The following CFH variants were observed in gnomAD, a reference collection of about 807,000 sequenced individuals.
CFH encodes the protein complement factor H, also known as H factor 1 (complement).
Under a neutral mutation model 147.3 loss-of-function variants are expected in CFH, and 53 were observed. That is an observed-to-expected ratio of 0.36 (90% CI 0.29 to 0.45). CFH has a LOEUF of 0.45. Among genes scored for constraint, CFH ranks in the 20% least tolerant of loss-of-function variants. The pLI is 1.00. For missense variants in CFH, 1,380 were observed against 1,498.0 expected (o/e 0.92, Z 1.30); for synonymous variants, 536 against 489.4 (o/e 1.10, Z -1.26).
rs1401837510 is a variant in CFH, at chr1:196,727,062, G to A, written c.2236+122G>A. 6 of 828,092 alleles carry A rather than the reference G, an allele frequency of 7.2e-6. No individual in the cohort carries two copies. The East Asian group carries it at 1.6e-4, about 22-fold the overall frequency. The allele number at this position is 828,092 out of a possible 1,614,324, so 51.3% of individuals were successfully genotyped here. On this transcript the variant is annotated intron_variant, in intron 14 of 21. Transcript: ENST00000367429. ...CCTCAACATTTCCAGTCTTCAATATGAGACCAATCTTTTGCATATTGCTTA... is the reference window on the plus strand; with the variant it reads ...CCTCAACATTTCCAGTCTTCAATATAAGACCAATCTTTTGCATATTGCTTA...
chr1:196,737,706 T>C, intron 17 of CFH, 46 bp downstream of exon 17: 1 of 1,515,738 alleles, frequency 6.6e-7, no homozygotes, highest in Non-Finnish European at 9.2e-7. Context: ...GTAGAATTCA[T>C]AAAAATAATC....
At position 196,677,552 on chromosome 1, in the gene CFH, C is replaced by T. The variant is rs763131155; in HGVS notation, c.504C>T (p.Tyr168=). The change falls in exon 5 of 22, where the codon TAC becomes TAT. Residue 168 remains tyrosine, a synonymous_variant. Coordinates refer to ENST00000367429, the MANE Select transcript of CFH (RefSeq NM_000186.4). ...GTGCAATGGAACCAGATCGGGAATACCATTTTGGACAAGCAGTACGGTTTG... is the reference window on the plus strand; with the variant it reads ...GTGCAATGGAACCAGATCGGGAATATCATTTTGGACAAGCAGTACGGTTTG... ...VSSAMEPDRE[Y]HFGQAVRFVC... 8.7e-6 allele frequency: 14 copies of T among 1,613,188 alleles called. No homozygotes were observed. Among genetic ancestry groups the T allele is most frequent in the East Asian group, 4.5e-5 (2 of 44,782 alleles).
intron 9 of CFH, among the ~76,000 whole-genome samples, chr1:196,697,509 G>A (rs1293007013): frequency 1.3e-5 from 2 of 152,146 alleles, no homozygotes; most frequent in African/African-American, 4.8e-5. Context: ...GGAAACAACA[G>A]GTGCCGGAGA....
chr1:196,701,972 T>C (rs999530442), intron 9 of CFH, among the ~76,000 whole-genome samples: 5 of 152,166 alleles, frequency 3.3e-5, no homozygotes, highest in Non-Finnish European at 5.9e-5. Flanking sequence ...CTAGATTTGT[T>C]TTGTAAGAAG....
At chr1:196,705,534 G>T (rs1015768555) in intron 9 of CFH, among the ~76,000 whole-genome samples, 2 of 152,146 alleles carry the variant, frequency 1.3e-5, no homozygotes, top group African/African-American at 4.8e-5. Context: ...ATTACTAATG[G>T]ATCTGGCTAC....
At chr1:196,696,979 C>T (rs1332597368) in intron 9 of CFH, among the ~76,000 whole-genome samples, 5 of 152,246 alleles carry the variant, frequency 3.3e-5, no homozygotes, top group East Asian at 3.9e-4. Context: ...TGGATCCCTT[C>T]GTTACACCTT....
intron 15 of CFH, 127 bp from the exon 16 acceptor site, chr1:196,736,697 C>A: frequency 2.8e-6 from 1 of 355,910 alleles, no homozygotes; most frequent in Non-Finnish European, 4.4e-6. Context: ...ATTTATGAAA[C>A]AGTTATTGAT....
chr1:196,684,927 A>G (rs1379030559), intron 6 of CFH, 137 bp from the exon 7 acceptor site: 1 of 690,544 alleles, frequency 1.4e-6, no homozygotes, highest in South Asian at 1.8e-5. Flanking sequence ...AAAGGATACT[A>G]TGATATGTTC....
intron 17 of CFH, among the ~76,000 whole-genome samples, chr1:196,740,292 T>C (rs1373161611): frequency 1.3e-5 from 2 of 152,226 alleles, no homozygotes; most frequent in African/African-American, 4.8e-5. Flanking sequence ...TCCTACAATA[T>C]ATTATGTTTT....
chr1:196,686,773 A>G (rs917876043), intron 7 of CFH, among the ~76,000 whole-genome samples: 2 of 152,114 alleles, frequency 1.3e-5, no homozygotes, highest in Non-Finnish European at 2.9e-5. Flanking sequence ...AGACCCAACT[A>G]TATTTGGATT....
chr1:196,699,201 C>T (rs1018407424), intron 9 of CFH, among the ~76,000 whole-genome samples: 5 of 150,004 alleles, frequency 3.3e-5, no homozygotes, highest in Non-Finnish European at 7.4e-5. Flanking sequence ...CCAGTTGTTT[C>T]GCAACCTTGC....
rs56171267 is a variant in CFH at position 196,679,952 on chromosome 1, T to C, written c.790+159T>C. 3.3e-5 allele frequency among the ~76,000 whole-genome samples: 5 copies of C among 152,038 alleles called. No homozygotes were observed. The East Asian group carries it at 9.7e-4, about 29-fold the overall frequency. ...GCATTTTCTGTGTTCAAGGTTCATT[T>C]TGAGTACACTTCGTACGATACACAC... On this transcript the variant is annotated intron_variant, in intron 6 of 21. Transcript: ENST00000367429.
chr1:196,679,904 TAAAC>T, intron 6 of CFH, 111 bp downstream of exon 6: 1 of 968,648 alleles, frequency 1.0e-6, no homozygotes, highest in East Asian at 2.7e-5. Flanking sequence ...TTTATGTAAA[TAAAC>T]TATTATAAAA....
At chr1:196,682,629 A>G in intron 6 of CFH, among the ~76,000 whole-genome samples, 1 of 151,722 alleles carries the variant, frequency 6.6e-6, no homozygotes, top group South Asian at 2.1e-4. Flanking sequence ...ACTGAACTTT[A>G]ATGGGTATAT....
chr1:196,722,043 T>C (rs529019755), intron 11 of CFH, among the ~76,000 whole-genome samples: 1 of 152,098 alleles, frequency 6.6e-6, no homozygotes, highest in Non-Finnish European at 1.5e-5. Flanking sequence ...CTATTTATGT[T>C]AAAAGTTAAT....
chr1:196,709,098 T>C (rs960374452), intron 9 of CFH, among the ~76,000 whole-genome samples: 3 of 152,178 alleles, frequency 2.0e-5, no homozygotes, highest in Non-Finnish European at 4.4e-5. Context: ...GTTGTACTTA[T>C]ATCAATGCTT....
intron 10 of CFH, among the ~76,000 whole-genome samples, chr1:196,714,627 GTA>G (rs3043115): frequency 1.1e-4 from 3 of 28,552 alleles, no homozygotes; most frequent in Admixed American, 3.8e-4. Context: ...GTGTGTATAC[GTA>G]TATATGTATA....
intron 9 of CFH, chr1:196,701,417 T>G (rs2149096423): frequency 6.3e-7 from 1 of 1,598,488 alleles, no homozygotes. Flanking sequence ...TCTTGCCAGG[T>G]CAATACTTGG....
chr1:196,745,299 T>A (rs422404), intron 20 of CFH, among the ~76,000 whole-genome samples: 11,885 of 152,096 alleles, frequency 0.078, 1,502 homozygotes, highest in African/African-American at 0.27. Flanking sequence ...CGGCATTATT[T>A]GTTGTTGTAT....
Sources: allele counts gnomAD v4.1 joint callset (sites outside exome capture counted in the v4.1 genomes callset), GRCh38; gene constraint gnomAD v4.1.1; transcripts MANE v1.5; gene names NCBI Gene and HGNC (gene_info 2026-07-23, HGNC 2026-07-21).